The following CPLX3 variants were observed in gnomAD, a reference collection of about 807,000 sequenced individuals.
The protein encoded by CPLX3 is complexin-3.
Under a neutral mutation model 17.2 loss-of-function variants are expected in CPLX3, and 12 were observed. The ratio of observed to expected loss-of-function variants is 0.70; its 90% CI spans 0.45 to 1.13. CPLX3 has a LOEUF of 1.13. CPLX3 is among the 50% of genes most tolerant of loss of function. The probability of loss-of-function intolerance (pLI) is 0.00; values close to 1 mark genes in which losing one functional copy is unlikely to be tolerated. For synonymous variants in CPLX3, 75 were observed against 79.4 expected (o/e 0.94, Z 0.29); for missense variants, 172 against 203.2 (o/e 0.85, Z 0.93).
chr15:74,830,238 T>C lies in CPLX3; in HGVS notation c.361T>C (p.Ser121Pro). ...EDTEEEEEKA[S>P]VLGQLASLPG... ...CACAGAGGAGGAGGAGGAGAAGGCC[T>C]CAGTCCTTGGGCAGCTGGCCAGCCT... The change falls in exon 3 of 3, where the codon TCA becomes CCA. Residue 121 changes from serine (S) to proline (P), a missense_variant. Ser to Pro is a moderately conservative substitution (Grantham distance 74). Coordinates refer to ENST00000395018, the MANE Select transcript of CPLX3 (RefSeq NM_001030005.3). 1.2e-6 allele frequency: 2 copies of C among 1,613,896 alleles called. No homozygotes were observed. Among genetic ancestry groups the C allele is most frequent in the South Asian group, 2.2e-5 (2 of 91,062 alleles).
chr15:74,830,475 C>G lies in CPLX3; in HGVS notation c.*121C>G. 1.3e-6 allele frequency: 1 copy of G among 780,572 alleles called. No homozygotes were observed. Among genetic ancestry groups the G allele is most frequent in the African/African-American group, 1.7e-5 (1 of 57,898 alleles). The allele number at this position is 780,572 out of a possible 1,614,324, so 48.4% of individuals were successfully genotyped here. A position where few individuals can be genotyped will look rare whatever the true frequency, so the allele number is the denominator to read the frequency against. ...CCTTGCCCCATCCTAGTTCCAAGAC[C>G]TTTCCCATCCATGCCCCAAGCCTAT... On this transcript the variant is annotated 3_prime_UTR_variant, in exon 3 of 3. Coordinates refer to ENST00000395018, the MANE Select transcript of CPLX3 (RefSeq NM_001030005.3).
chr15:74,828,070 A>G lies in CPLX3; in HGVS notation c.201A>G (p.Ala67=). Residue 67 remains alanine, a synonymous_variant, in exon 2 of 3, where the codon GCA becomes GCG. Transcript: ENST00000395018. The part of the protein sequence containing the change: ...ERDAQFTQRK[A]ERATLRSHFR... Reference sequence around the variant, plus strand: ...ATGCACAGTTCACACAGAGGAAGGCAGAGCGGGCCACACTGCGGAGCCACT... The same window carrying G: ...ATGCACAGTTCACACAGAGGAAGGCGGAGCGGGCCACACTGCGGAGCCACT... 6.2e-7 allele frequency: 1 copy of G among 1,607,936 alleles called. No individual in the cohort carries two copies. The highest frequency in any genetic ancestry group is 1.1e-5 in the South Asian group (1 of 89,770).
Position 74,828,087 on chromosome 15 carries a change from G to C in CPLX3, c.218G>C (p.Arg73Pro). The C allele has an allele frequency of 6.2e-7, 1 of 1,605,910 alleles. No homozygotes were observed. Among genetic ancestry groups the C allele is most frequent in the Non-Finnish European group, 8.5e-7 (1 of 1,176,012 alleles). The change falls in exon 2 of 3, where the codon CGG (arginine) becomes CCG (proline). Residue 73 changes from arginine (R) to proline (P), a missense_variant. Physicochemically the swap from Arg to Pro is moderately radical, Grantham distance 103. Coordinates refer to ENST00000395018, the MANE Select transcript of CPLX3 (RefSeq NM_001030005.3). ...AGGAAGGCAGAGCGGGCCACACTGC[G>C]GAGCCACTTCCGAGACAAATACCGG... ...TQRKAERATL[R>P]SHFRDKYRLP...
intron 2 of CPLX3, among the ~76,000 whole-genome samples, chr15:74,829,169 T>C (rs1420773483): frequency 6.6e-6 from 1 of 152,232 alleles, no homozygotes; most frequent in East Asian, 1.9e-4. Context: ...CCAGAAAGCC[T>C]GCCTCACTGC....
chr15:74,829,906 TC>T (rs1335139929), intron 2 of CPLX3, among the ~76,000 whole-genome samples: 3 of 148,308 alleles, frequency 2.0e-5, no homozygotes, highest in Admixed American at 6.8e-5. Flanking sequence ...ATTCCTGTAT[TC>T]CCCCGGCACT....
rs1456255916 is a variant in CPLX3 at position 74,830,294 on chromosome 15, C to T, written c.417C>T (p.Asp139=). The T allele has an allele frequency of 6.2e-7, 1 of 1,613,894 alleles. No individual in the cohort carries two copies. The highest frequency in any genetic ancestry group is 1.1e-5 in the South Asian group (1 of 91,060). ...GCTTGAACCTGGGCTCACTCAAGGA[C>T]AAGGCCCAGGCCACACTGGGGGATC... ...LPGLNLGSLK[D]KAQATLGDLK... The change falls in exon 3 of 3, where the codon GAC becomes GAT. Residue 139 remains aspartate (D), a synonymous_variant. Coordinates refer to ENST00000395018, the MANE Select transcript of CPLX3 (RefSeq NM_001030005.3).
In CPLX3 at chr15:74,831,372, G is replaced by C; in HGVS notation, c.*1018G>C. Reference sequence around the variant, plus strand: ...AAGGCATCCAGTGCTAGGAGTAGAAGTGTCTCCAGCTCTGTTCTCTTGGGG... The same window carrying C: ...AAGGCATCCAGTGCTAGGAGTAGAACTGTCTCCAGCTCTGTTCTCTTGGGG... On this transcript the variant is annotated 3_prime_UTR_variant, in exon 3 of 3. Coordinates refer to ENST00000395018, the MANE Select transcript of CPLX3 (RefSeq NM_001030005.3). 6.6e-6 allele frequency: 1 copy of C among 152,380 alleles called. No individual in the cohort carries two copies. The highest frequency in any genetic ancestry group is 1.5e-5 in the Non-Finnish European group (1 of 68,180). 9.4% of individuals were successfully genotyped at this position (152,380 alleles called of 1,614,324 possible). A position where few individuals can be genotyped will look rare whatever the true frequency, so the allele number is the denominator to read the frequency against.
rs1280329250 is a variant in CPLX3 at position 74,831,141 on chromosome 15, C to G, written c.*787C>G. On this transcript the variant is annotated 3_prime_UTR_variant, in exon 3 of 3. Coordinates refer to ENST00000395018, the MANE Select transcript of CPLX3 (RefSeq NM_001030005.3). ...GCCTCCTCTGGGCCCAGGGCCCAGCCAATTTCTGTTCTGTTCCTGTAGAAC... is the reference window on the plus strand; with the variant it reads ...GCCTCCTCTGGGCCCAGGGCCCAGCGAATTTCTGTTCTGTTCCTGTAGAAC... 6.5e-6 allele frequency: 1 copy of G among 152,686 alleles called. No homozygotes were observed. Among genetic ancestry groups the G allele is most frequent in the Non-Finnish European group, 1.5e-5 (1 of 68,060 alleles). The allele number at this position is 152,686 out of a possible 1,614,324, so 9.5% of individuals were successfully genotyped here.
At chr15:74,829,969 G>A (rs144942766) in intron 2 of CPLX3, among the ~76,000 whole-genome samples, 161 bp from the exon 3 acceptor site, 1 of 149,928 alleles carries the variant, frequency 6.7e-6, no homozygotes, top group Admixed American at 6.7e-5. Context: ...TGAGACCAGC[G>A]TGGGCAACAT....
intron 1 of CPLX3, 30 bp from the exon 2 acceptor site, chr15:74,828,004 G>T (rs771921018): frequency 6.4e-7 from 1 of 1,570,250 alleles, no homozygotes; most frequent in Non-Finnish European, 8.7e-7. Context: ...CTCAGCCCTC[G>T]TGGTGACTCT....
chr15:74,828,316 G>A (rs2063953194), intron 2 of CPLX3, among the ~76,000 whole-genome samples, 195 bp downstream of exon 2: 1 of 152,186 alleles, frequency 6.6e-6, no homozygotes, highest in African/African-American at 2.4e-5. Context: ...AAGGGCCAGG[G>A]CTTTGTGCTG....
chr15:74,827,500 T>G (rs2063949224), intron 1 of CPLX3, among the ~76,000 whole-genome samples: 1 of 152,186 alleles, frequency 6.6e-6, no homozygotes. Flanking sequence ...GAAGATTAAA[T>G]GCCAATGCAT....
rs1193788099 is a variant in CPLX3 at position 74,831,713 on chromosome 15, A to AAAT, written c.*1361_*1363dup. On this transcript the variant is annotated 3_prime_UTR_variant, in exon 3 of 3. Coordinates refer to ENST00000395018, the MANE Select transcript of CPLX3 (RefSeq NM_001030005.3). ...AAAATGAACAGTCCCCCTCTCCCCC[A>AAAT]AATAGTAATAATACATGTTTCAAAG... is the stretch of plus-strand genomic sequence containing the variant. 1 of 152,226 alleles carries AAAT rather than the reference A, an allele frequency of 6.6e-6. No homozygotes were observed. Among genetic ancestry groups the AAAT allele is most frequent in the African/African-American group, 2.4e-5 (1 of 41,430 alleles). The allele number at this position is 152,226 out of a possible 1,614,324, so 9.4% of individuals were successfully genotyped here. A position where few individuals can be genotyped will look rare whatever the true frequency, so the allele number is the denominator to read the frequency against.
Position 74,826,779 on chromosome 15 carries a change from A to G in CPLX3, c.76A>G (p.Lys26Glu). Reference protein sequence around the residue: ...LTGSLGGGEDKGDGDKSAAEA... With the variant: ...LTGSLGGGEDEGDGDKSAAEA... ...TGGGAGCCTGGGAGGCGGCGAGGATAAGGGAGATGGGGACAAGTCGGCAGC... is the reference window on the plus strand; with the variant it reads ...TGGGAGCCTGGGAGGCGGCGAGGATGAGGGAGATGGGGACAAGTCGGCAGC... Residue 26 changes from lysine to glutamate, a missense_variant, in exon 1 of 3, where the codon AAG (lysine) becomes GAG (glutamate). Lys to Glu is a moderately conservative substitution (Grantham distance 56). Coordinates refer to ENST00000395018, the MANE Select transcript of CPLX3 (RefSeq NM_001030005.3). The surrounding 1 kb of genome is among the most constrained non-coding windows in gnomAD (Gnocchi z 5.0). The G allele has an allele frequency of 1.9e-6, 3 of 1,608,054 alleles. No homozygotes were observed. The highest frequency in any genetic ancestry group is 2.5e-6 in the Non-Finnish European group (3 of 1,177,104).
At position 74,826,999 on chromosome 15, in the gene CPLX3, G is replaced by A; in HGVS notation, c.164+132G>A. ...TCCTAGACACGGTAAGAGACCGGGA[G>A]GTGTCCTCTACACTGCCCCCAGACC... is the stretch of plus-strand genomic sequence containing the variant. On this transcript the variant is annotated intron_variant, in intron 1 of 2. Coordinates refer to ENST00000395018, the MANE Select transcript of CPLX3 (RefSeq NM_001030005.3). The surrounding 1 kb of genome is among the most constrained non-coding windows in gnomAD (Gnocchi z 5.0). 1 of 799,592 alleles carries A rather than the reference G, an allele frequency of 1.3e-6. No homozygotes were observed. Among genetic ancestry groups the A allele is most frequent in the Admixed American group, 3.1e-5 (1 of 31,906 alleles). The allele number at this position is 799,592 out of a possible 1,614,324, so 49.5% of individuals were successfully genotyped here.
In CPLX3 at chr15:74,830,419, G is replaced by A. The variant is rs551795671; in HGVS notation, c.*65G>A. The A allele has an allele frequency of 1.9e-5, 26 of 1,347,200 alleles. No individual in the cohort carries two copies. In the African/African-American group the frequency reaches 3.5e-4, roughly 18 times the overall value. 83.5% of individuals were successfully genotyped at this position (1,347,200 alleles called of 1,614,324 possible). ...AGGGCTAAGAGTGTGTCAACTTCCA[G>A]GGACCCATACTCCATTTGGGGCTTT... On this transcript the variant is annotated 3_prime_UTR_variant, in exon 3 of 3. Coordinates refer to ENST00000395018, the MANE Select transcript of CPLX3 (RefSeq NM_001030005.3).
At position 74,826,844 on chromosome 15, in the gene CPLX3, T is replaced by G. The variant is rs2063945580; in HGVS notation, c.141T>G (p.Tyr47Ter). ...TGAGCCGGGAGGAGTACGAGGAGTATCAGAAGCAACTCGTGGAAGAGAAGT... is the reference window on the plus strand; with the variant it reads ...TGAGCCGGGAGGAGTACGAGGAGTAGCAGAAGCAACTCGTGGAAGAGAAGT... The part of the protein sequence containing the change: ...QGMSREEYEE[Y>*]QKQLVEEKME... Residue 47 changes from tyrosine (Y) to a stop codon, truncating the protein, a stop_gained, in exon 1 of 3, where the codon TAT becomes TAG. Coordinates refer to ENST00000395018, the MANE Select transcript of CPLX3 (RefSeq NM_001030005.3). LOFTEE classifies it high-confidence loss of function. This position sits in a 1 kb window ranked among gnomAD's most constrained non-coding sequence, Gnocchi z 5.0. 1.1e-5 allele frequency: 18 copies of G among 1,600,776 alleles called. No homozygotes were observed. The highest frequency in any genetic ancestry group is 1.4e-5 in the Non-Finnish European group (17 of 1,173,780).
chr15:74,829,812 C>G (rs115063407), intron 2 of CPLX3, among the ~76,000 whole-genome samples: 93 of 152,150 alleles, frequency 6.1e-4, no homozygotes, highest in Middle Eastern at 6.8e-3. Flanking sequence ...AGGCATCAAA[C>G]GCTTGATCCT....
intron 1 of CPLX3, 79 bp from the exon 2 acceptor site, chr15:74,827,955 C>T (rs547571201): frequency 2.7e-5 from 32 of 1,164,672 alleles, no homozygotes; most frequent in Non-Finnish European, 3.8e-5. Flanking sequence ...GACTCAGAGA[C>T]CCCTTCTGTC....
Sources: gnomAD v4.1 joint callset for allele counts (sites outside exome capture counted in the v4.1 genomes callset) on GRCh38, gnomAD v4.1.1 for gene constraint, Gnocchi (gnomAD v3.1) non-coding constraint, MANE v1.5 for transcripts, NCBI Gene and HGNC (gene_info 2026-07-23, HGNC 2026-07-21) for gene names.